MOXD1: variants seen among roughly 807,000 people sequenced by gnomAD.
MOXD1 encodes monooxygenase DBH like 1.
MOXD1 carries 62 observed loss-of-function variants against 66.6 expected under a neutral mutation model. The ratio of observed to expected loss-of-function variants is 0.93; its 90% CI spans 0.76 to 1.15. The LOEUF is 1.15. MOXD1 is among the 50% of genes most tolerant of loss of function. The pLI is 0.00. For missense variants in MOXD1, 847 were observed against 754.6 expected (o/e 1.12, Z -1.44); for synonymous variants, 303 against 281.9 (o/e 1.07, Z -0.75).
In MOXD1 at chr6:132,378,875, CTTTTTTTTTTTTTTTTTTT is replaced by C. The variant is rs3038136; in HGVS notation, c.265-4117_265-4099del. Among the ~76,000 whole-genome samples, 277 of 41,906 alleles carry C rather than the reference CTTTTTTTTTTTTTTTTTTT, an allele frequency of 6.6e-3. 4 individuals carry two copies. Among genetic ancestry groups the C allele is most frequent in the Admixed American group, 0.017 (45 of 2,622 alleles). 27.5% of individuals were successfully genotyped at this position (41,906 alleles called of 152,430 possible). ...AATGAAAGAGGACAGAACACTTCCTCTTTTTTTTTTTTTTTTTTTTTTTTTTTTTTTTTTTTTTTGCGAC... is the reference window on the plus strand; with the variant it reads ...AATGAAAGAGGACAGAACACTTCCTCTTTTTTTTTTTTTTTTTTTTGCGAC... On this transcript the variant is annotated intron_variant, in intron 1 of 11. Transcript: ENST00000367963.
intron 4 of MOXD1, among the ~76,000 whole-genome samples, chr6:132,347,732 G>A (rs1161380491): frequency 6.6e-6 from 1 of 151,996 alleles, no homozygotes; most frequent in Non-Finnish European, 1.5e-5. Context: ...AGTTGGAAAA[G>A]GGATAGCAAA....
chr6:132,309,317 T>C (rs1026426591), intron 10 of MOXD1, among the ~76,000 whole-genome samples: 4 of 152,128 alleles, frequency 2.6e-5, no homozygotes, highest in Admixed American at 6.6e-5. Flanking sequence ...TAACAAGGGA[T>C]GTGAAGGACC....
chr6:132,393,234 T>C (rs1776806280), intron 1 of MOXD1, among the ~76,000 whole-genome samples: 1 of 152,092 alleles, frequency 6.6e-6, no homozygotes, highest in Non-Finnish European at 1.5e-5. Flanking sequence ...ATTTCAGTAG[T>C]GCCAACAGAG....
chr6:132,298,276 C>T (rs566069008), intron 10 of MOXD1, among the ~76,000 whole-genome samples: 5 of 152,146 alleles, frequency 3.3e-5, no homozygotes, highest in Non-Finnish European at 7.4e-5. Context: ...CCACCTCCAC[C>T]ACTCAAAGTG....
chr6:132,303,704 TACATACAC>T (rs1774599906), intron 10 of MOXD1, among the ~76,000 whole-genome samples: 1 of 134,748 alleles, frequency 7.4e-6, no homozygotes, highest in African/African-American at 3.0e-5. Flanking sequence ...GCTGACTGTA[TACATACAC>T]ACACACACAC....
intron 4 of MOXD1, among the ~76,000 whole-genome samples, chr6:132,362,320 T>G (rs933961638): frequency 9.2e-5 from 14 of 152,166 alleles, no homozygotes; most frequent in Non-Finnish European, 4.4e-5. Context: ...GTCACAGAAT[T>G]TTAAGGGTTA....
intron 4 of MOXD1, among the ~76,000 whole-genome samples, chr6:132,341,547 A>G (rs1308503484): frequency 3.3e-5 from 5 of 152,170 alleles, no homozygotes; most frequent in Non-Finnish European, 5.9e-5. Flanking sequence ...ATGGCTCCAC[A>G]CTGCCCGTCC....
chr6:132,319,742 A>C (rs917988002), intron 9 of MOXD1, among the ~76,000 whole-genome samples: 16 of 151,938 alleles, frequency 1.1e-4, no homozygotes, highest in African/African-American at 3.4e-4. Flanking sequence ...GAAAAAAAAA[A>C]CGGTATTTCA....
At chr6:132,339,731 C>T (rs1775510839) in intron 4 of MOXD1, among the ~76,000 whole-genome samples, 1 of 152,194 alleles carries the variant, frequency 6.6e-6, no homozygotes, top group African/African-American at 2.4e-5. Context: ...AAGCTATCCT[C>T]TCCTTTCCCC....
chr6:132,297,439 G>A, intron 11 of MOXD1, 122 bp from the exon 12 acceptor site: 5 of 997,472 alleles, frequency 5.0e-6, no homozygotes, highest in Non-Finnish European at 7.4e-6. Context: ...TACCAAAGGA[G>A]TCACACACTG....
chr6:132,379,938 G>A (rs781117760), intron 1 of MOXD1, among the ~76,000 whole-genome samples: 13 of 152,096 alleles, frequency 8.5e-5, no homozygotes, highest in Non-Finnish European at 1.8e-4. Flanking sequence ...TTCTTGTAGA[G>A]ATGAGTTTTC....
chr6:132,398,893 GCACCAGTGCA>G (rs1776957329), intron 1 of MOXD1, among the ~76,000 whole-genome samples: 1 of 135,852 alleles, frequency 7.4e-6, no homozygotes, highest in Non-Finnish European at 1.5e-5. Context: ...AGCCGAGATT[GCACCAGTGCA>G]ATCTAGCCTG....
intron 1 of MOXD1, 53 bp from the exon 2 acceptor site, chr6:132,374,830 G>C: frequency 6.7e-7 from 1 of 1,492,570 alleles, no homozygotes; most frequent in African/African-American, 1.4e-5. Context: ...AGAGAGAAAA[G>C]AATTCATAGG....
At chr6:132,399,225 A>G (rs1370353742) in intron 1 of MOXD1, among the ~76,000 whole-genome samples, 1 of 152,212 alleles carries the variant, frequency 6.6e-6, no homozygotes, top group Non-Finnish European at 1.5e-5. Context: ...ATGTCCTAAA[A>G]TGAGTAGAAT....
At chr6:132,386,433 C>CAAAAAAAAAA (rs143926667) in intron 1 of MOXD1, among the ~76,000 whole-genome samples, 2 of 65,084 alleles carry the variant, frequency 3.1e-5, no homozygotes, top group Non-Finnish European at 6.9e-5. Flanking sequence ...CAAAACAAAA[C>CAAAAAAAAAA]AAAAAAAAAA....
At chr6:132,307,830 A>G (rs906679926) in intron 10 of MOXD1, among the ~76,000 whole-genome samples, 1 of 152,204 alleles carries the variant, frequency 6.6e-6, no homozygotes, top group African/African-American at 2.4e-5. Context: ...GAGAACAAAG[A>G]GACAACGTAC....
In MOXD1 at chr6:132,297,950, C is replaced by G; in HGVS notation, c.1514G>C (p.Trp505Ser). The G allele has an allele frequency of 6.2e-7, 1 of 1,605,620 alleles. No individual in the cohort carries two copies. Among genetic ancestry groups the G allele is most frequent in the Admixed American group, 1.7e-5 (1 of 57,940 alleles). Residue 505 changes from tryptophan to serine, a missense_variant, in exon 11 of 12, where the codon TGG (tryptophan) becomes TCG (serine). Transcript: ENST00000367963. The stretch of plus-strand genomic sequence containing the variant: ...CTTGGGACTTTTGATAATGAAAGGC[C>G]AGGTCCTGAATTTAAAAGACACAGT... ...VKEIYRPVTT[W>S]PFIIKSPKQY... is the part of the protein sequence containing the mutation.
intron 4 of MOXD1, among the ~76,000 whole-genome samples, chr6:132,350,870 TG>T: frequency 1.3e-5 from 2 of 152,222 alleles, no homozygotes; most frequent in Admixed American, 1.3e-4. Context: ...CTAAGTTTTT[TG>T]TTTTTGTTTT....
chr6:132,351,751 G>A (rs761220498), intron 4 of MOXD1, among the ~76,000 whole-genome samples: 36 of 152,128 alleles, frequency 2.4e-4, no homozygotes, highest in Admixed American at 8.5e-4. Flanking sequence ...CTGTGAATCC[G>A]TCTGGCCCCG....
Sources: gnomAD v4.1 joint callset for allele counts (sites outside exome capture counted in the v4.1 genomes callset) on GRCh38, gnomAD v4.1.1 for gene constraint, MANE v1.5 for transcripts, NCBI Gene and HGNC (gene_info 2026-07-23, HGNC 2026-07-21) for gene names.